Variants in GNAI1 observed in about 807,000 individuals in gnomAD.
GNAI1 encodes G protein subunit alpha i1.
Under a neutral mutation model 38.9 loss-of-function variants are expected in GNAI1, and 11 were observed. The ratio of observed to expected loss-of-function variants is 0.28; its 90% CI spans 0.18 to 0.47. The LOEUF (loss-of-function observed/expected upper bound fraction) is 0.47. Among genes scored for constraint, GNAI1 ranks in the 20% least tolerant of loss-of-function variants. The pLI, the probability that GNAI1 is intolerant of heterozygous loss-of-function variation, is 0.99. For synonymous variants in GNAI1, 166 were observed against 145.1 expected (o/e 1.14, Z -1.04); for missense variants, 317 against 436.9 (o/e 0.73, Z 2.45).
At chr7:80,163,769 C>T (rs541884706) in intron 1 of GNAI1, among the ~76,000 whole-genome samples, 10 of 152,222 alleles carry the variant, frequency 6.6e-5, no homozygotes, top group South Asian at 2.1e-4. Flanking sequence ...TGCAAACCTA[C>T]GTAAACTGGA....
rs144962493 is a variant in GNAI1, at chr7:80,147,313, G to A, written c.118+12035G>A. 3.6e-3 allele frequency among the ~76,000 whole-genome samples: 538 copies of A among 151,078 alleles called. 4 individuals carry two copies. Among genetic ancestry groups the A allele is most frequent in the African/African-American group, 0.012 (505 of 41,148 alleles). On this transcript the variant is annotated intron_variant, in intron 1 of 7. Transcript: ENST00000649796. ...GGTTTGGAGATGGGGCTTTTGGGAAGTAATTAAGGTTAGATTAGGTAATGA... is the reference window on the plus strand; with the variant it reads ...GGTTTGGAGATGGGGCTTTTGGGAAATAATTAAGGTTAGATTAGGTAATGA...
intron 1 of GNAI1, among the ~76,000 whole-genome samples, chr7:80,177,026 T>G (rs1207292009): frequency 9.2e-5 from 2 of 21,818 alleles, no homozygotes; most frequent in Non-Finnish European, 2.0e-4. Context: ...CAGCATATCT[T>G]TTTTTTTTTT....
chr7:80,167,864 A>T (rs1339781837), intron 1 of GNAI1, among the ~76,000 whole-genome samples: 1 of 152,222 alleles, frequency 6.6e-6, no homozygotes, highest in Non-Finnish European at 1.5e-5. Flanking sequence ...CATGCAAAAA[A>T]AGTCTTTGTG....
rs149254817 is a variant in GNAI1 at position 80,170,235 on chromosome 7, G to T, written c.119-18716G>T. ...TGCCAGAGTGTTTTCCAAAGTGGTT[G>T]TACCATTTACATTCCTAGCAAGCAG... On this transcript the variant is annotated intron_variant, in intron 1 of 7. Coordinates refer to ENST00000649796, the MANE Select transcript of GNAI1 (RefSeq NM_002069.6). 2.9e-3 allele frequency among the ~76,000 whole-genome samples: 443 copies of T among 152,280 alleles called. 9 individuals are homozygous for T. The highest frequency in any genetic ancestry group is 0.025 in the East Asian group (127 of 5,182).
chr7:80,193,977 C>T (rs1439462940), intron 3 of GNAI1, among the ~76,000 whole-genome samples: 2 of 152,142 alleles, frequency 1.3e-5, no homozygotes, highest in Non-Finnish European at 2.9e-5. Flanking sequence ...CTCATACATG[C>T]TCCTGCATAA....
intron 1 of GNAI1, among the ~76,000 whole-genome samples, chr7:80,167,932 C>A (rs2116147489): frequency 6.6e-6 from 1 of 152,300 alleles, no homozygotes; most frequent in South Asian, 2.1e-4. Flanking sequence ...TACGATTTTT[C>A]ACCAACAAAA....
At chr7:80,166,395 CAG>C (rs962456363) in intron 1 of GNAI1, among the ~76,000 whole-genome samples, 6 of 151,952 alleles carry the variant, frequency 3.9e-5, no homozygotes, top group African/African-American at 1.4e-4. Context: ...TTTAAAAAAA[CAG>C]AGGGGGTTAC....
In GNAI1 at chr7:80,181,717, G is replaced by A. The variant is rs369079832; in HGVS notation, c.119-7234G>A. ...CATAAATGTATTCTTTCATGCTTCTGCAGCTAAATGTTCAAAATCAAAGTG... is the reference window on the plus strand; with the variant it reads ...CATAAATGTATTCTTTCATGCTTCTACAGCTAAATGTTCAAAATCAAAGTG... On this transcript the variant is annotated intron_variant, in intron 1 of 7. Coordinates refer to ENST00000649796, the MANE Select transcript of GNAI1 (RefSeq NM_002069.6). Among the ~76,000 whole-genome samples the A allele has an allele frequency of 5.3e-5, 8 of 152,150 alleles. No homozygotes were observed. In the South Asian group the frequency reaches 1.0e-3, roughly 20 times the overall value.
intron 1 of GNAI1, among the ~76,000 whole-genome samples, chr7:80,151,495 C>T (rs1295490372): frequency 6.6e-6 from 1 of 152,048 alleles, no homozygotes; most frequent in African/African-American, 2.4e-5. Flanking sequence ...CAGCTATAAA[C>T]TGCTTTCACA....
intron 1 of GNAI1, among the ~76,000 whole-genome samples, chr7:80,145,302 A>G (rs1037507438): frequency 6.6e-6 from 1 of 152,170 alleles, no homozygotes; most frequent in Admixed American, 6.5e-5. Context: ...TCTGATTGAT[A>G]TAGAAGTATT....
chr7:80,137,317 C>CTTTTTTTTTTTTTTTTTTTTTTTTTT (rs398005254), intron 1 of GNAI1, among the ~76,000 whole-genome samples: 2 of 53,996 alleles, frequency 3.7e-5, no homozygotes, highest in African/African-American at 6.8e-5. Flanking sequence ...CTTTTCTTTT[C>CTTTTTTTTTTTTTTTTTTTTTTTTTT]TTTTTTTTTT....
chr7:80,188,639 A>T (rs1788428042), intron 1 of GNAI1, among the ~76,000 whole-genome samples: 2 of 152,194 alleles, frequency 1.3e-5, no homozygotes, highest in South Asian at 4.1e-4. Flanking sequence ...ACATCATTTC[A>T]TGTAATTACC....
intron 1 of GNAI1, among the ~76,000 whole-genome samples, chr7:80,140,960 T>A (rs536240757): frequency 5.3e-5 from 8 of 152,302 alleles, no homozygotes; most frequent in Non-Finnish European, 1.2e-4. Flanking sequence ...CTTCTCCATC[T>A]CAAAGCCAGC....
At chr7:80,199,032 G>A (rs371076186) in intron 3 of GNAI1, among the ~76,000 whole-genome samples, 193 bp from the exon 4 acceptor site, 5 of 152,260 alleles carry the variant, frequency 3.3e-5, no homozygotes, top group African/African-American at 9.6e-5. Context: ...ATAGACATAT[G>A]ATGTGTGATT....
At chr7:80,150,096 A>G (rs1787697579) in intron 1 of GNAI1, among the ~76,000 whole-genome samples, 3 of 152,322 alleles carry the variant, frequency 2.0e-5, no homozygotes, top group Non-Finnish European at 4.4e-5. Flanking sequence ...GGTTGGGAGC[A>G]TCAATTGGTA....
chr7:80,181,344 C>T (rs183440803), intron 1 of GNAI1, among the ~76,000 whole-genome samples: 75 of 152,236 alleles, frequency 4.9e-4, no homozygotes, highest in African/African-American at 1.5e-3. Context: ...GACTTATAAA[C>T]ACAAACTCAA....
chr7:80,198,052 A>ATAT (rs1788610921), intron 3 of GNAI1, among the ~76,000 whole-genome samples: 2 of 151,970 alleles, frequency 1.3e-5, no homozygotes, highest in Middle Eastern at 6.8e-3. Flanking sequence ...AAGAAACTTC[A>ATAT]TATCTGGGTT....
Position 80,181,648 on chromosome 7 carries a change from C to G in GNAI1, c.119-7303C>G, listed in dbSNP as rs566658921. On this transcript the variant is annotated intron_variant, in intron 1 of 7. Transcript: ENST00000649796. The stretch of plus-strand genomic sequence containing the variant: ...CAATTCTTTCTTTTGTCCTGCCTTT[C>G]TAGGGTAGCTTTGTGTGTGCATTCA... Among the ~76,000 whole-genome samples the G allele has an allele frequency of 1.8e-4, 27 of 152,248 alleles. No individual in the cohort carries two copies. The South Asian group carries it at 5.6e-3, about 32-fold the overall frequency.
intron 1 of GNAI1, among the ~76,000 whole-genome samples, chr7:80,157,045 T>G (rs1195194867): frequency 2.0e-5 from 3 of 152,204 alleles, no homozygotes; most frequent in African/African-American, 4.8e-5. Context: ...GTAATTACAT[T>G]TATCCAGCAT....
Sources: gnomAD v4.1 joint callset for allele counts (sites outside exome capture counted in the v4.1 genomes callset) on GRCh38, gnomAD v4.1.1 for gene constraint, MANE v1.5 for transcripts, NCBI Gene and HGNC (gene_info 2026-07-23, HGNC 2026-07-21) for gene names.